The following KCNK2 variants were observed in gnomAD, a reference collection of about 807,000 sequenced individuals.
KCNK2 encodes the protein potassium two pore domain channel subfamily K member 2.
In KCNK2, 21 loss-of-function variants were observed where a neutral mutation model predicts 40.5. The observed-to-expected ratio is 0.52, with a 90% CI of 0.37 to 0.75. The LOEUF (loss-of-function observed/expected upper bound fraction) is 0.75, where lower values mean the gene tolerates loss of function less well. KCNK2 is among the 30% of genes least tolerant of loss of function. The pLI is 0.00. For missense variants in KCNK2, 399 were observed against 531.6 expected (o/e 0.75, Z 2.45); for synonymous variants, 191 against 202.2 (o/e 0.94, Z 0.47).
At chr1:215,207,042 T>C (rs1028337222) in intron 6 of KCNK2, among the ~76,000 whole-genome samples, 1 of 152,108 alleles carries the variant, frequency 6.6e-6, no homozygotes, top group African/African-American at 2.4e-5. Flanking sequence ...GGATATCCCC[T>C]CCCCTGTGGT....
upstream of KCNK2, among the ~76,000 whole-genome samples, chr1:215,079,567 C>T (rs1245039132): frequency 6.6e-6 from 1 of 152,162 alleles, no homozygotes; most frequent in East Asian, 1.9e-4. Flanking sequence ...ATCAGAACAG[C>T]AAGGGGAACG....
intron 1 of KCNK2, among the ~76,000 whole-genome samples, chr1:215,006,405 G>A (rs865844320): frequency 6.6e-6 from 1 of 152,142 alleles, no homozygotes; most frequent in Non-Finnish European, 1.5e-5. Flanking sequence ...GGAATCTTAT[G>A]TGTATATTGG....
At chr1:215,154,307 T>C (rs934869829) in intron 3 of KCNK2, among the ~76,000 whole-genome samples, 6 of 152,236 alleles carry the variant, frequency 3.9e-5, no homozygotes, top group Non-Finnish European at 7.3e-5. Context: ...TGAGATGGTA[T>C]CTCACTGTGG....
At chr1:215,164,425 C>T (rs1466246996) in intron 3 of KCNK2, among the ~76,000 whole-genome samples, 2 of 152,074 alleles carry the variant, frequency 1.3e-5, no homozygotes, top group African/African-American at 2.4e-5. Context: ...CTCAGTTCTG[C>T]TCTGATCTTA....
intron 5 of KCNK2, among the ~76,000 whole-genome samples, chr1:215,183,054 G>C (rs1172397449): frequency 6.6e-6 from 1 of 152,118 alleles, no homozygotes; most frequent in Non-Finnish European, 1.5e-5. Flanking sequence ...CCCGGGTTCT[G>C]GGGTTTCCTA....
rs147689489 is a variant in KCNK2 at position 215,172,160 on chromosome 1, T to C, written c.800T>C (p.Ile267Thr). The C allele has an allele frequency of 3.1e-4, 501 of 1,613,008 alleles. No homozygotes were observed. Among genetic ancestry groups the C allele is most frequent in the Non-Finnish European group, 3.8e-4 (445 of 1,179,548 alleles). ...TTTGTGGTTATCACTCTAACAACTATTGGATTTGGTGACTACGTTGCAGGT... is the reference window on the plus strand; with the variant it reads ...TTTGTGGTTATCACTCTAACAACTACTGGATTTGGTGACTACGTTGCAGGT... ...IYFVVITLTT[I>T]GFGDYVAGGS... The change falls in exon 5 of 7, where the codon ATT becomes ACT. Residue 267 changes from isoleucine (I) to threonine (T), a missense_variant. Around this residue, in one of 3 missense-constraint regions of KCNK2, gnomAD observed 279 missense variants for 353.8 expected, o/e 0.79. Transcript: ENST00000444842.
chr1:215,064,392 A>T (rs1316048079), intron 1 of KCNK2, among the ~76,000 whole-genome samples: 1 of 151,984 alleles, frequency 6.6e-6, no homozygotes, highest in Admixed American at 6.6e-5. Flanking sequence ...AACCAAAAAA[A>T]TTTAAACAAC....
chr1:215,136,858 G>A (rs368135365), intron 3 of KCNK2, among the ~76,000 whole-genome samples: 36 of 152,204 alleles, frequency 2.4e-4, no homozygotes, highest in Non-Finnish European at 2.5e-4. Flanking sequence ...TTGTAAACAC[G>A]TATACTAATA....
chr1:215,029,929 A>G (rs778040920), intron 1 of KCNK2, among the ~76,000 whole-genome samples: 1 of 151,970 alleles, frequency 6.6e-6, no homozygotes, highest in Non-Finnish European at 1.5e-5. Context: ...GGATAATAAG[A>G]AGGAGCACAA....
At chr1:215,088,575 GAA>G (rs10689637) in intron 2 of KCNK2, among the ~76,000 whole-genome samples, 35 of 133,858 alleles carry the variant, frequency 2.6e-4, no homozygotes, top group African/African-American at 3.5e-4. Context: ...GACAGGACAG[GAA>G]AAAAAAAAAA....
chr1:215,102,896 C>T (rs776485384), intron 2 of KCNK2, among the ~76,000 whole-genome samples: 3 of 151,980 alleles, frequency 2.0e-5, no homozygotes, highest in Non-Finnish European at 4.4e-5. Context: ...ATGAAGTTCA[C>T]ACAAGGATGA....
chr1:215,163,848 G>A (rs964213892), intron 3 of KCNK2, among the ~76,000 whole-genome samples: 1 of 152,048 alleles, frequency 6.6e-6, no homozygotes, highest in African/African-American at 2.4e-5. Flanking sequence ...TTTTTGCCTC[G>A]ATGTTCATCA....
In KCNK2 at chr1:215,005,995, C is replaced by A. The variant is rs547947775; in HGVS notation, c.34+40C>A. ...AATAATCAAGTACCTTATTTGTTTTCAAATTTTCTAGAGTAGGCTGAGTAG... is the reference window on the plus strand; with the variant it reads ...AATAATCAAGTACCTTATTTGTTTTAAAATTTTCTAGAGTAGGCTGAGTAG... On this transcript the variant is annotated intron_variant, in intron 1 of 6. Transcript: ENST00000391895. 1.5e-5 allele frequency: 24 copies of A among 1,555,528 alleles called. No individual in the cohort carries two copies. In the East Asian group the frequency reaches 4.5e-4, roughly 29 times the overall value.
chr1:215,016,709 C>T (rs536113291), intron 1 of KCNK2, among the ~76,000 whole-genome samples: 6 of 152,044 alleles, frequency 3.9e-5, no homozygotes, highest in African/African-American at 1.4e-4. Flanking sequence ...TGTATATGAA[C>T]CCCAAAGCAC....
At chr1:215,037,058 T>A (rs1051980799) in intron 1 of KCNK2, among the ~76,000 whole-genome samples, 1 of 149,496 alleles carries the variant, frequency 6.7e-6, no homozygotes, top group East Asian at 2.0e-4. Context: ...AATATTGAAG[T>A]GGTAAGAATG....
intron 5 of KCNK2, among the ~76,000 whole-genome samples, chr1:215,186,915 G>A (rs1112101): frequency 0.77 from 117,010 of 152,168 alleles, 45,299 homozygotes; most frequent in Non-Finnish European, 0.79. Flanking sequence ...TCTTCCTAAA[G>A]GGTGAGAAGA....
intron 3 of KCNK2, among the ~76,000 whole-genome samples, chr1:215,139,754 A>G (rs966988282): frequency 6.6e-6 from 1 of 152,168 alleles, no homozygotes; most frequent in Non-Finnish European, 1.5e-5. Flanking sequence ...TATGACATAT[A>G]TATGTATGAG....
intron 3 of KCNK2, among the ~76,000 whole-genome samples, chr1:215,151,215 C>T (rs913660924): frequency 2.6e-5 from 4 of 152,032 alleles, no homozygotes; most frequent in African/African-American, 9.7e-5. Flanking sequence ...GTTAACATTG[C>T]TTCATGCTGT....
intron 6 of KCNK2, among the ~76,000 whole-genome samples, chr1:215,214,272 GAA>G (rs1371265363): frequency 6.6e-6 from 1 of 152,130 alleles, no homozygotes; most frequent in Admixed American, 6.5e-5. Flanking sequence ...GCAACAGGAG[GAA>G]GAGAGAGTGC....
Sources: allele counts gnomAD v4.1 joint callset (sites outside exome capture counted in the v4.1 genomes callset), GRCh38; gene constraint gnomAD v4.1.1; regional missense constraint gnomAD v4.1.1; transcripts MANE v1.5; gene names NCBI Gene and HGNC (gene_info 2026-07-23, HGNC 2026-07-21).